NADSYN1: variants seen among roughly 807,000 people sequenced by gnomAD.
NADSYN1 encodes the protein glutamine-dependent NAD(+) synthetase.
Under a neutral mutation model 99.3 loss-of-function variants are expected in NADSYN1, and 80 were observed. The ratio of observed to expected loss-of-function variants is 0.81; its 90% confidence interval spans 0.67 to 0.97. NADSYN1 has a LOEUF of 0.97. NADSYN1 is among the 50% of genes least tolerant of loss of function. The pLI, the probability that NADSYN1 is intolerant of heterozygous loss-of-function variation, is 0.00. For synonymous variants in NADSYN1, 385 were observed against 372.1 expected (o/e 1.03, Z -0.40); for missense variants, 859 against 948.5 (o/e 0.91, Z 1.24).
chr11:71,497,395 T>C, intron 18 of NADSYN1, 88 bp from the exon 19 acceptor site: 10 of 1,565,076 alleles, frequency 6.4e-6, no homozygotes, highest in Non-Finnish European at 8.7e-6. Context: ...GCCTCCTTGG[T>C]CTCTGGTTCC....
intron 1 of NADSYN1, among the ~76,000 whole-genome samples, chr11:71,454,892 C>A (rs1221322314): frequency 1.1e-5 from 1 of 94,576 alleles, no homozygotes; most frequent in Admixed American, 8.9e-5. Context: ...CAGGTGCAGG[C>A]GTACTCGTGT....
intron 1 of NADSYN1, 104 bp downstream of exon 1, chr11:71,453,485 C>A: frequency 9.2e-7 from 1 of 1,089,318 alleles, no homozygotes; most frequent in Non-Finnish European, 1.4e-6. Flanking sequence ...CTGGGAAACT[C>A]TCGGCCCTGG....
Position 71,501,335 on chromosome 11 carries a change from C to G in NADSYN1, c.2104C>G (p.Leu702Val). Residue 702 changes from leucine to valine, a missense_variant, in exon 21 of 21, where the codon CTG (leucine) becomes GTG (valine). Physicochemically the swap from Leu to Val is conservative, Grantham distance 32 (BLOSUM62 1). Coordinates refer to ENST00000319023, the MANE Select transcript of NADSYN1 (RefSeq NM_018161.5). ...GCTCGAGAGGGCAGAGCCACAGTCC[C>G]TGGACGGCGTGGACTGAGGCCGGTT... ...LQLERAEPQS[L>V]DGVD 10 of 1,607,526 alleles carry G rather than the reference C, an allele frequency of 6.2e-6. No individual in the cohort carries two copies. The highest frequency in any genetic ancestry group is 7.6e-6 in the Non-Finnish European group (9 of 1,177,342).
At chr11:71,468,564 A>G (rs1357499837) in intron 5 of NADSYN1, among the ~76,000 whole-genome samples, 1 of 152,260 alleles carries the variant, frequency 6.6e-6, no homozygotes, top group East Asian at 1.9e-4. Context: ...AAATGAAATA[A>G]TTCCAAATAA....
intron 16 of NADSYN1, among the ~76,000 whole-genome samples, chr11:71,488,287 CGTCCGCCG>C (rs1555151687): frequency 6.6e-6 from 1 of 151,626 alleles, no homozygotes; most frequent in Non-Finnish European, 1.5e-5. Flanking sequence ...TTGTAGGAAA[CGTCCGCCG>C]AGAGAGCTCA....
intron 15 of NADSYN1, chr11:71,485,300 G>A (rs778876950): frequency 2.9e-6 from 1 of 344,928 alleles, no homozygotes; most frequent in Non-Finnish European, 5.3e-6. Context: ...GCCCTCCCGG[G>A]CTCTGGGTGC....
rs201031698 is a variant in NADSYN1 at position 71,481,329 on chromosome 11, G to A, written c.999-27G>A. 2.8e-4 allele frequency: 452 copies of A among 1,613,078 alleles called. No homozygotes were observed. The East Asian group carries it at 5.9e-3, about 21-fold the overall frequency. ...GCTGTGGGCAGGGGCCACCGCCTCC[G>A]GGCTCCATGTTCTGATTGCCCTGCA... On this transcript the variant is annotated intron_variant, in intron 11 of 20. Transcript: ENST00000319023.
At chr11:71,500,518 C>T (rs968193645) in intron 20 of NADSYN1, among the ~76,000 whole-genome samples, 1 of 152,202 alleles carries the variant, frequency 6.6e-6, no homozygotes, top group African/African-American at 2.4e-5. Flanking sequence ...GGATGGGCCC[C>T]TCCCAACCCC....
At chr11:71,480,918 G>A (rs1456922096) in intron 11 of NADSYN1, 39 bp downstream of exon 11, 2 of 1,609,468 alleles carry the variant, frequency 1.2e-6, no homozygotes, top group South Asian at 1.1e-5. Context: ...CCTGGCGTCT[G>A]TGTGGCCACG....
chr11:71,474,323 G>C, intron 8 of NADSYN1, 72 bp from the exon 9 acceptor site: 5 of 1,600,918 alleles, frequency 3.1e-6, no homozygotes, highest in Non-Finnish European at 4.3e-6. Context: ...GGAGGTTCCT[G>C]TACTTGGGCA....
chr11:71,461,184 G>T (rs948996597), intron 3 of NADSYN1, among the ~76,000 whole-genome samples: 2 of 152,154 alleles, frequency 1.3e-5, no homozygotes, highest in Admixed American at 6.5e-5. Flanking sequence ...GTGGTAAAAT[G>T]GTCACGTAGT....
intron 16 of NADSYN1, among the ~76,000 whole-genome samples, chr11:71,489,264 A>G (rs1036534507): frequency 2.0e-5 from 3 of 152,060 alleles, no homozygotes; most frequent in African/African-American, 4.8e-5. Flanking sequence ...ATTGAAATTT[A>G]TGGCCACACT....
intron 5 of NADSYN1, among the ~76,000 whole-genome samples, chr11:71,465,577 C>T (rs1441932668): frequency 2.0e-5 from 3 of 152,218 alleles, no homozygotes; most frequent in Non-Finnish European, 4.4e-5. Flanking sequence ...CCATGTGCAT[C>T]CTCAGGCATT....
Position 71,464,292 on chromosome 11 carries a change from G to A in NADSYN1, c.407+150G>A. On this transcript the variant is annotated intron_variant, in intron 5 of 20. Transcript: ENST00000319023. ...GAATGGGACAAAAAGCACAAAGAAA[G>A]CCAAAAAAGAATGAAGCAACCAAAG... The A allele has an allele frequency of 9.2e-6, 6 of 650,028 alleles. No homozygotes were observed. The Admixed American group carries it at 1.2e-4, about 13-fold the overall frequency. 40.3% of individuals were successfully genotyped at this position (650,028 alleles called of 1,614,324 possible). A position where few individuals can be genotyped will look rare whatever the true frequency, so the allele number is the denominator to read the frequency against.
At chr11:71,491,053 A>G (rs1463902160) in intron 17 of NADSYN1, 77 bp downstream of exon 17, 28 of 1,579,388 alleles carry the variant, frequency 1.8e-5, no homozygotes, top group East Asian at 4.5e-5. Flanking sequence ...CCTGGCCCAC[A>G]CTCAGGCTCC....
At chr11:71,500,256 G>A (rs530543343) in intron 20 of NADSYN1, among the ~76,000 whole-genome samples, 6 of 152,162 alleles carry the variant, frequency 3.9e-5, no homozygotes, top group African/African-American at 7.2e-5. Flanking sequence ...AGGAAAACCC[G>A]CCTGTGCTGA....
intron 15 of NADSYN1, chr11:71,484,772 A>G: frequency 3.1e-6 from 1 of 324,534 alleles, no homozygotes; most frequent in Non-Finnish European, 5.9e-6. Context: ...GGTGTGTCTG[A>G]GCCTGAGTGT....
Position 71,491,916 on chromosome 11 carries a change from G to A in NADSYN1, c.1764+13G>A, listed in dbSNP as rs1428732991. ...CCAGACCGACGAGGTAATGGCGGTG[G>A]CTTTGCCATGATGCTTCCTGCCCTC... On this transcript the variant is annotated intron_variant, in intron 18 of 20. Coordinates refer to ENST00000319023, the MANE Select transcript of NADSYN1 (RefSeq NM_018161.5). 3.1e-6 allele frequency: 5 copies of A among 1,612,286 alleles called. No homozygotes were observed. The African/African-American group carries it at 6.7e-5, about 22-fold the overall frequency.
chr11:71,463,290 G>A (rs1239859500), intron 3 of NADSYN1, 142 bp from the exon 4 acceptor site: 2 of 696,940 alleles, frequency 2.9e-6, no homozygotes, highest in African/African-American at 3.6e-5. Flanking sequence ...TGCCACAGAA[G>A]AGCCTTGCAG....
Sources: gnomAD v4.1 joint callset for allele counts (sites outside exome capture counted in the v4.1 genomes callset) on GRCh38, gnomAD v4.1.1 for gene constraint, MANE v1.5 for transcripts, NCBI Gene and HGNC (gene_info 2026-07-23, HGNC 2026-07-21) for gene names.